The following METTL8 variants were observed in gnomAD, a reference collection of about 807,000 sequenced individuals.
METTL8 encodes tRNA N(3)-cytidine methyltransferase METTL8, mitochondrial.
Under a neutral mutation model 48.7 loss-of-function variants are expected in METTL8, and 32 were observed. That is an observed-to-expected ratio of 0.66 (90% CI 0.50 to 0.88). The LOEUF (loss-of-function observed/expected upper bound fraction) is 0.88, where lower values mean the gene tolerates loss of function less well. METTL8 is among the 40% of genes least tolerant of loss of function. The probability of loss-of-function intolerance (pLI) is 0.00; values close to 1 mark genes in which losing one functional copy is unlikely to be tolerated. For synonymous variants in METTL8, 136 were observed against 157.1 expected, an observed-to-expected ratio of 0.87 and a Z score of 1.01; for missense variants, 464 against 474.4, an observed-to-expected ratio of 0.98 and a Z score of 0.20.
At chr2:171,387,554 T>A (rs12986476) in intron 2 of METTL8, among the ~76,000 whole-genome samples, 4,991 of 147,076 alleles carry the variant, frequency 0.034, 90 homozygotes, top group East Asian at 0.052. Context: ...AAAAAAAAAA[T>A]TTTTTTTTAA....
Position 171,360,416 on chromosome 2 carries a change from G to T in METTL8, c.235+6C>A. The T allele has an allele frequency of 6.2e-7, 1 of 1,612,708 alleles. No homozygotes were observed. The highest frequency in any genetic ancestry group is 1.1e-5 in the South Asian group (1 of 90,944). On this transcript the variant is annotated splice_donor_region_variant and intron_variant, in intron 3 of 9. Coordinates refer to ENST00000375258, the MANE Select transcript of METTL8 (RefSeq NM_001321154.2). ...GCTCTAGGAGCTACAGCACGCAGTT[G>T]ACTACCTTGCTCTTCCAGAAGGACT...
intron 2 of METTL8, among the ~76,000 whole-genome samples, chr2:171,374,139 G>A (rs974174333): frequency 3.9e-5 from 6 of 152,062 alleles, no homozygotes; most frequent in Non-Finnish European, 8.8e-5. Flanking sequence ...ATTTGTTTGT[G>A]TCCTCTTTTA....
chr2:171,335,488 G>A (rs769178537), intron 5 of METTL8, among the ~76,000 whole-genome samples: 2 of 151,976 alleles, frequency 1.3e-5, no homozygotes, highest in Admixed American at 6.5e-5. Flanking sequence ...GCAGTAGTGC[G>A]ATCTCAGCTC....
At chr2:171,434,521 G>C, upstream of METTL8, 1 of 1,523,380 alleles carries the variant, frequency 6.6e-7, no homozygotes, top group Non-Finnish European at 8.8e-7. Flanking sequence ...CCCAGCACGG[G>C]AGTGTGGGGC....
intron 3 of METTL8, among the ~76,000 whole-genome samples, chr2:171,353,744 G>A (rs1352922609): frequency 6.6e-6 from 1 of 152,034 alleles, no homozygotes; most frequent in Non-Finnish European, 1.5e-5. Context: ...GATCTTTGTT[G>A]GTTTAAAGTC....
chr2:171,412,840 T>C (rs1189746375), intron 1 of METTL8, among the ~76,000 whole-genome samples: 1 of 152,208 alleles, frequency 6.6e-6, no homozygotes, highest in Non-Finnish European at 1.5e-5. Context: ...GAAGTAAGAC[T>C]GCCAAGAAAA....
intron 3 of METTL8, among the ~76,000 whole-genome samples, chr2:171,343,684 T>C (rs1481598697): frequency 6.6e-6 from 1 of 152,290 alleles, no homozygotes; most frequent in East Asian, 1.9e-4. Context: ...GAATTCTTCA[T>C]TCAAATTGCC....
intron 3 of METTL8, among the ~76,000 whole-genome samples, chr2:171,341,153 C>A (rs544587826): frequency 4.3e-3 from 653 of 151,970 alleles, no homozygotes; most frequent in Non-Finnish European, 7.0e-3. Flanking sequence ...CATGGTGAAA[C>A]CCCATCTCTA....
chr2:171,389,186 C>T (rs952280840), intron 2 of METTL8, among the ~76,000 whole-genome samples: 1 of 152,110 alleles, frequency 6.6e-6, no homozygotes, highest in Non-Finnish European at 1.5e-5. Context: ...CACTAGTCAA[C>T]TTGTGAAATG....
At chr2:171,418,366 A>T (rs577208927) in intron 1 of METTL8, among the ~76,000 whole-genome samples, 26 of 152,252 alleles carry the variant, frequency 1.7e-4, no homozygotes, top group African/African-American at 5.5e-4. Flanking sequence ...CCCCACTGTT[A>T]AGGTATATGC....
At chr2:171,420,701 A>C (rs1318363137) in intron 1 of METTL8, among the ~76,000 whole-genome samples, 2 of 152,258 alleles carry the variant, frequency 1.3e-5, no homozygotes, top group Non-Finnish European at 2.9e-5. Flanking sequence ...AATGTGTCAC[A>C]AAAATTGATC....
chr2:171,391,836 T>C (rs1173779236), intron 2 of METTL8, among the ~76,000 whole-genome samples: 3 of 152,198 alleles, frequency 2.0e-5, no homozygotes, highest in Admixed American at 1.3e-4. Context: ...TAAAAGCATA[T>C]GGAAAGTTTC....
At chr2:171,407,366 G>A (rs1029341223) in intron 1 of METTL8, among the ~76,000 whole-genome samples, 1 of 151,834 alleles carries the variant, frequency 6.6e-6, no homozygotes, top group African/African-American at 2.4e-5. Flanking sequence ...AAACAGGGGA[G>A]GGAGAAGACA....
At chr2:171,366,050 G>T (rs1416505711) in intron 2 of METTL8, among the ~76,000 whole-genome samples, 1 of 152,180 alleles carries the variant, frequency 6.6e-6, no homozygotes, top group Admixed American at 6.5e-5. Context: ...GGACAGACAA[G>T]AGGGCCCCTG....
At chr2:171,338,016 A>G (rs528976018) in intron 4 of METTL8, among the ~76,000 whole-genome samples, 1 of 152,236 alleles carries the variant, frequency 6.6e-6, no homozygotes. Context: ...GAATGGTATT[A>G]GTACAACTTC....
chr2:171,374,165 C>T (rs914044660), intron 2 of METTL8, among the ~76,000 whole-genome samples: 1 of 151,856 alleles, frequency 6.6e-6, no homozygotes, highest in African/African-American at 2.4e-5. Context: ...AGGTCCTTCG[C>T]ATCCCTTGTA....
intron 3 of METTL8, among the ~76,000 whole-genome samples, chr2:171,358,711 GA>G (rs35146196): frequency 0.2 from 30,802 of 151,972 alleles, 3,635 homozygotes; most frequent in East Asian, 0.42. Flanking sequence ...ATTACTAGAA[GA>G]AAACATTGGG....
intron 2 of METTL8, among the ~76,000 whole-genome samples, chr2:171,361,799 T>C (rs911171449): frequency 7.2e-5 from 11 of 152,190 alleles, no homozygotes; most frequent in African/African-American, 2.7e-4. Flanking sequence ...ACAGAGAGAT[T>C]TAAGATGTAA....
At chr2:171,325,596 C>A (rs1466634379) in intron 9 of METTL8, among the ~76,000 whole-genome samples, 3 of 152,086 alleles carry the variant, frequency 2.0e-5, no homozygotes, top group Non-Finnish European at 4.4e-5. Flanking sequence ...GAACAGCCTT[C>A]ACCTTCATCT....
Sources: gnomAD v4.1 joint callset for allele counts (sites outside exome capture counted in the v4.1 genomes callset) on GRCh38, gnomAD v4.1.1 for gene constraint, MANE v1.5 for transcripts, NCBI Gene and HGNC (gene_info 2026-07-23, HGNC 2026-07-21) for gene names.